Variants in RUFY1 observed in about 807,000 individuals in gnomAD.
The protein encoded by RUFY1 is RUN and FYVE domain containing 1.
A neutral mutation model predicts 94.6 loss-of-function variants in RUFY1; 54 were observed. The ratio of observed to expected loss-of-function variants is 0.57; its 90% CI spans 0.46 to 0.72. The LOEUF is 0.72. Among genes scored for constraint, RUFY1 ranks in the 30% least tolerant of loss-of-function variants. RUFY1 has a pLI of 0.00. For missense variants in RUFY1, 883 were observed against 883.9 expected (o/e 1.00, Z 0.01); for synonymous variants, 396 against 347.3 (o/e 1.14, Z -1.56).
rs1276311189 is a variant in RUFY1, at chr5:179,609,393, T to C, written c.2001T>C (p.Cys667=). 3 of 1,613,522 alleles carry C rather than the reference T, an allele frequency of 1.9e-6. No individual in the cohort carries two copies. The highest frequency in any genetic ancestry group is 2.5e-6 in the Non-Finnish European group (3 of 1,179,966). ...TCCTGTAGCACCACTGCCGGAACTG[T>C]GGCCACATCTTCTGCAACACCTGCT... is the stretch of plus-strand genomic sequence containing the variant. The part of the protein sequence containing the change: ...ISRRKHHCRN[C]GHIFCNTCSS... Residue 667 remains cysteine (C), a synonymous_variant, in exon 18 of 18, where the codon TGT becomes TGC. Coordinates refer to ENST00000319449, the MANE Select transcript of RUFY1 (RefSeq NM_025158.5).
chr5:179,597,662 G>A (rs995190425), intron 13 of RUFY1, among the ~76,000 whole-genome samples: 23 of 152,316 alleles, frequency 1.5e-4, no homozygotes, highest in African/African-American at 4.6e-4. Context: ...GTGAACCACC[G>A]TGCCTGGCCT....
In RUFY1 at chr5:179,609,457, G is replaced by A; in HGVS notation, c.2065G>A (p.Val689Met). 1.2e-6 allele frequency: 2 copies of A among 1,612,098 alleles called. No homozygotes were observed. Among genetic ancestry groups the A allele is most frequent in the South Asian group, 1.1e-5 (1 of 91,064 alleles). Residue 689 changes from valine (V) to methionine (M), a missense_variant, in exon 18 of 18, where the codon GTG becomes ATG. Transcript: ENST00000319449. Reference sequence around the variant, plus strand: ...GGCCCTGCCCTCCTACCCCAAGCCGGTGCGAGTGTGCGACAGCTGCCACAC... The same window carrying A: ...GGCCCTGCCCTCCTACCCCAAGCCGATGCGAGTGTGCGACAGCTGCCACAC... ...ELALPSYPKP[V>M]RVCDSCHTLL...
intron 3 of RUFY1, among the ~76,000 whole-genome samples, chr5:179,565,339 C>A (rs1581439925): frequency 6.6e-6 from 1 of 151,872 alleles, no homozygotes; most frequent in East Asian, 1.9e-4. Flanking sequence ...CCACCACACC[C>A]AGCTATTTTT....
At chr5:179,576,765 ATTAC>A (rs1285321707) in intron 5 of RUFY1, among the ~76,000 whole-genome samples, 1 of 152,148 alleles carries the variant, frequency 6.6e-6, no homozygotes, top group Non-Finnish European at 1.5e-5. Context: ...ATTATTATTA[ATTAC>A]TTTGTACACA....
In RUFY1 at chr5:179,591,746, G is replaced by A; in HGVS notation, c.1245+5G>A. Reference sequence around the variant, plus strand: ...GAGGAGAAGAAAGTCCGGTTGGTGAGTGTGCAAGACCGAGTGTCTTTAGAA... The same window carrying A: ...GAGGAGAAGAAAGTCCGGTTGGTGAATGTGCAAGACCGAGTGTCTTTAGAA... On this transcript the variant is annotated splice_donor_5th_base_variant and intron_variant, in intron 10 of 17. Coordinates refer to ENST00000319449, the MANE Select transcript of RUFY1 (RefSeq NM_025158.5). The A allele has an allele frequency of 6.5e-7, 1 of 1,543,684 alleles. No homozygotes were observed. Among genetic ancestry groups the A allele is most frequent in the Non-Finnish European group, 8.9e-7 (1 of 1,120,614 alleles).
chr5:179,551,581 TC>T (rs901266941), intron 1 of RUFY1, among the ~76,000 whole-genome samples: 1 of 151,636 alleles, frequency 6.6e-6, no homozygotes, highest in Non-Finnish European at 1.5e-5. Flanking sequence ...ACCCTCTGCC[TC>T]CCGGGTTCAA....
In RUFY1 at chr5:179,560,976, C is replaced by G. The variant is rs558871781; in HGVS notation, c.484+778C>G. 5.4e-4 allele frequency among the ~76,000 whole-genome samples: 82 copies of G among 152,136 alleles called. 1 individual carries two copies. The South Asian group carries it at 0.014, about 26-fold the overall frequency. On this transcript the variant is annotated intron_variant, in intron 2 of 17. Coordinates refer to ENST00000319449, the MANE Select transcript of RUFY1 (RefSeq NM_025158.5). ...TTGTAATCCCAGCACCTTGGGAGGC[C>G]GAGACGGAAGGATCGCTTGAGCTCA...
chr5:179,593,231 C>A (rs528959196), intron 10 of RUFY1, among the ~76,000 whole-genome samples: 1 of 152,274 alleles, frequency 6.6e-6, no homozygotes, highest in Non-Finnish European at 1.5e-5. Flanking sequence ...GCGCATGCCA[C>A]CACACCCAGC....
At chr5:179,577,606 G>A (rs1215327754) in intron 6 of RUFY1, among the ~76,000 whole-genome samples, 17 of 131,854 alleles carry the variant, frequency 1.3e-4, no homozygotes, top group African/African-American at 4.9e-4. Context: ...CGGGGGTGGG[G>A]AGTTTCGGCC....
chr5:179,583,040 C>T (rs1764283130), intron 7 of RUFY1, among the ~76,000 whole-genome samples: 1 of 151,868 alleles, frequency 6.6e-6, no homozygotes, highest in African/African-American at 2.4e-5. Context: ...TGATGGCTCA[C>T]GATTGTAATC....
In RUFY1 at chr5:179,567,484, C is replaced by T. The variant is rs756420861; in HGVS notation, c.626C>T (p.Ala209Val). 6 of 1,613,684 alleles carry T rather than the reference C, an allele frequency of 3.7e-6. No individual in the cohort carries two copies. Among genetic ancestry groups the T allele is most frequent in the East Asian group, 2.2e-5 (1 of 44,898 alleles). ...ELKTAVGRGR[A>V]WLYLALMQKK... ...AGGACAGCTGTGGGAAGAGGCCGAGCGTGGCTTTATCTTGCACTCATGCAA... is the reference window on the plus strand; with the variant it reads ...AGGACAGCTGTGGGAAGAGGCCGAGTGTGGCTTTATCTTGCACTCATGCAA... Residue 209 changes from alanine (A) to valine (V), a missense_variant, in exon 4 of 18, where the codon GCG becomes GTG. By Grantham distance (64) the Ala-to-Val change is moderately conservative (BLOSUM62 0). Transcript: ENST00000319449.
chr5:179,560,449 G>A lies in RUFY1; in HGVS notation c.484+251G>A, dbSNP rs540258248. On this transcript the variant is annotated intron_variant, in intron 2 of 17. Transcript: ENST00000319449. Reference sequence around the variant, plus strand: ...AAAGCGTTAGATGAGGCTGGGCGCGGTGGCTCACGCCTGTAATCCCAGCAC... The same window carrying A: ...AAAGCGTTAGATGAGGCTGGGCGCGATGGCTCACGCCTGTAATCCCAGCAC... 5.3e-5 allele frequency among the ~76,000 whole-genome samples: 8 copies of A among 152,322 alleles called. No homozygotes were observed. The East Asian group carries it at 1.3e-3, about 26-fold the overall frequency.
chr5:179,592,697 G>T (rs1031993018), intron 10 of RUFY1, among the ~76,000 whole-genome samples: 1 of 152,124 alleles, frequency 6.6e-6, no homozygotes, highest in Non-Finnish European at 1.5e-5. Flanking sequence ...CACTGTTCTT[G>T]TACCTGCTTT....
Position 179,609,558 on chromosome 5 carries a change from A to C in RUFY1, c.*39A>C. The stretch of plus-strand genomic sequence containing the variant: ...GGAGCACAGCCTCACGGACAGTGCC[A>C]AACCCTGTGGGTCTCCAGGGGCTTG... On this transcript the variant is annotated 3_prime_UTR_variant, in exon 18 of 18. Coordinates refer to ENST00000319449, the MANE Select transcript of RUFY1 (RefSeq NM_025158.5). 1.9e-6 allele frequency: 3 copies of C among 1,546,742 alleles called. No individual in the cohort carries two copies. In the East Asian group the frequency reaches 7.1e-5, roughly 37 times the overall value.
At chr5:179,605,833 A>ACT in intron 15 of RUFY1, 43 bp from the exon 16 acceptor site, 1 of 1,159,792 alleles carries the variant, frequency 8.6e-7, no homozygotes, top group Non-Finnish European at 1.3e-6. Flanking sequence ...TCAGAGCCTC[A>ACT]CTCTCTCTCA....
chr5:179,595,109 G>T, intron 12 of RUFY1, 146 bp downstream of exon 12: 1 of 605,056 alleles, frequency 1.7e-6, no homozygotes, highest in Non-Finnish European at 2.9e-6. Context: ...TTGGGAGGCC[G>T]ACGCGGGAGG....
At chr5:179,593,392 T>C (rs1765268405) in intron 10 of RUFY1, 86 bp from the exon 11 acceptor site, 1 of 1,484,320 alleles carries the variant, frequency 6.7e-7, no homozygotes, top group African/African-American at 1.4e-5. Flanking sequence ...AGTTTGTATT[T>C]TAAGCATTAC....
chr5:179,584,574 G>A (rs1017854016), intron 7 of RUFY1, among the ~76,000 whole-genome samples: 15 of 152,164 alleles, frequency 9.9e-5, no homozygotes, highest in Admixed American at 8.5e-4. Flanking sequence ...CTGAGCCCAG[G>A]AGTTCAAGAT....
In RUFY1 at chr5:179,598,764, G is replaced by C; in HGVS notation, c.1704G>C (p.Glu568Asp). 3.1e-6 allele frequency: 5 copies of C among 1,614,200 alleles called. No individual in the cohort carries two copies. The highest frequency in any genetic ancestry group is 4.2e-6 in the Non-Finnish European group (5 of 1,180,038). The part of the protein sequence containing the change: ...RQALQRELQH[E>D]KDTSSLLRME... ...CTCTTCAGCGCGAATTACAGCACGA[G>C]AAAGACACTTCCTCTCTACTCAGGA... The change falls in exon 14 of 18, where the codon GAG becomes GAC. Residue 568 changes from glutamate (E) to aspartate (D), a missense_variant. Glu to Asp is a conservative substitution (Grantham distance 45). Coordinates refer to ENST00000319449, the MANE Select transcript of RUFY1 (RefSeq NM_025158.5).
Sources: gnomAD v4.1 joint callset for allele counts (sites outside exome capture counted in the v4.1 genomes callset) on GRCh38, gnomAD v4.1.1 for gene constraint, MANE v1.5 for transcripts, NCBI Gene and HGNC (gene_info 2026-07-23, HGNC 2026-07-21) for gene names.